ERC2: variants seen among roughly 807,000 people sequenced by gnomAD.
ERC2 encodes the protein ERC protein 2.
Under a neutral mutation model 114.8 loss-of-function variants are expected in ERC2, and 42 were observed. The ratio of observed to expected loss-of-function variants is 0.37; its 90% confidence interval spans 0.29 to 0.47. ERC2 has a LOEUF of 0.47. Ranked by LOEUF, ERC2 falls within the 20% of genes least tolerant of loss-of-function variation. ERC2 has a pLI of 0.99. For synonymous variants in ERC2, 454 were observed against 425.5 expected, an observed-to-expected ratio of 1.07 and a Z score of -0.82; for missense variants, 939 against 1,150.7, an observed-to-expected ratio of 0.82 and a Z score of 2.66.
chr3:55,563,036 G>A (rs922240519), intron 17 of ERC2, among the ~76,000 whole-genome samples: 4 of 152,086 alleles, frequency 2.6e-5, no homozygotes, highest in African/African-American at 9.7e-5. Context: ...CATCAACCTT[G>A]CACAGAAGGT....
At chr3:56,428,986 A>G (rs1009100775) in intron 2 of ERC2, among the ~76,000 whole-genome samples, 1 of 152,216 alleles carries the variant, frequency 6.6e-6, no homozygotes, top group Non-Finnish European at 1.5e-5. Context: ...ATGTCTAAAA[A>G]TTGCTTTATG....
intron 14 of ERC2, among the ~76,000 whole-genome samples, chr3:55,737,652 C>A (rs968618032): frequency 8.5e-5 from 13 of 152,170 alleles, no homozygotes; most frequent in African/African-American, 2.9e-4. Context: ...ACAACGGCAT[C>A]TTTACAGACA....
intron 17 of ERC2, among the ~76,000 whole-genome samples, chr3:55,577,780 C>CT (rs1426808635): frequency 6.6e-6 from 1 of 152,128 alleles, no homozygotes; most frequent in African/African-American, 2.4e-5. Flanking sequence ...TCCTAGAGGG[C>CT]TTCATGTAAC....
At chr3:56,020,168 T>A (rs1177447345) in intron 7 of ERC2, among the ~76,000 whole-genome samples, 1 of 152,158 alleles carries the variant, frequency 6.6e-6, no homozygotes, top group East Asian at 1.9e-4. Flanking sequence ...GCAAAGACAA[T>A]GGCTCTGCTG....
intron 12 of ERC2, among the ~76,000 whole-genome samples, chr3:55,956,444 A>AC (rs759751356): frequency 6.6e-6 from 1 of 151,042 alleles, no homozygotes; most frequent in Non-Finnish European, 1.5e-5. Context: ...AGATTATTTC[A>AC]TTTTTTTTTT....
chr3:55,797,048 T>C (rs1575625769), intron 14 of ERC2, among the ~76,000 whole-genome samples: 2 of 152,138 alleles, frequency 1.3e-5, no homozygotes, highest in South Asian at 2.1e-4. Flanking sequence ...AAAATTAAGA[T>C]GAACAAACTT....
intron 17 of ERC2, among the ~76,000 whole-genome samples, chr3:55,623,107 G>T (rs2059386945): frequency 6.6e-6 from 1 of 152,170 alleles, no homozygotes; most frequent in Non-Finnish European, 1.5e-5. Context: ...TTTCTGACCT[G>T]AGGATGGTAT....
intron 7 of ERC2, among the ~76,000 whole-genome samples, chr3:56,031,643 C>A (rs1471865222): frequency 6.6e-6 from 1 of 152,118 alleles, no homozygotes; most frequent in Non-Finnish European, 1.5e-5. Flanking sequence ...GCATGAGTAA[C>A]CAACTGTAAA....
rs565613834 is a variant in ERC2, at chr3:55,858,580, C to G, written c.2564+29809G>C. Among the ~76,000 whole-genome samples the G allele has an allele frequency of 3.0e-4, 46 of 152,300 alleles. 2 individuals are homozygous for G. In the South Asian group the frequency reaches 9.5e-3, roughly 32 times the overall value. On this transcript the variant is annotated intron_variant, in intron 14 of 17. Transcript: ENST00000288221. ...CCTCTGAGAAGCATCCAAGTGCAAG[C>G]AGTAGGTGTGTCCTATCTTAAAGTG...
intron 8 of ERC2, among the ~76,000 whole-genome samples, chr3:56,013,806 G>C (rs2073122109): frequency 6.6e-6 from 1 of 152,108 alleles, no homozygotes; most frequent in Non-Finnish European, 1.5e-5. Flanking sequence ...AGGTTCCTGG[G>C]CTCCACAGCA....
At chr3:55,993,998 C>T (rs2071286554) in intron 10 of ERC2, among the ~76,000 whole-genome samples, 2 of 152,216 alleles carry the variant, frequency 1.3e-5, no homozygotes, top group African/African-American at 2.4e-5. Flanking sequence ...CATATACCTG[C>T]TTCTATTTGT....
chr3:55,534,043 A>C (rs949223719), intron 17 of ERC2, among the ~76,000 whole-genome samples: 1 of 152,100 alleles, frequency 6.6e-6, no homozygotes, highest in Non-Finnish European at 1.5e-5. Context: ...TCCTCTCCGA[A>C]AGCCCAGCTT....
At chr3:56,141,238 G>A (rs184083171) in intron 5 of ERC2, among the ~76,000 whole-genome samples, 1 of 152,240 alleles carries the variant, frequency 6.6e-6, no homozygotes, top group East Asian at 1.9e-4. Flanking sequence ...GTACACAAAT[G>A]TCGCTCCTCA....
rs200176349 is a variant in ERC2, at chr3:56,149,038, C to T, written c.1244G>A (p.Arg415His). Reference sequence around the variant, plus strand: ...CTCAATTTGTTTGATCTCTTCTTCGCGGTCCTCAGTGTTCAGCACACCATT... The same window carrying T: ...CTCAATTTGTTTGATCTCTTCTTCGTGGTCCTCAGTGTTCAGCACACCATT... ...KANGVLNTED[R>H]EEEIKQIEVY... The change falls in exon 5 of 18, where the codon CGC (arginine) becomes CAC (histidine). Residue 415 changes from arginine to histidine, a missense_variant. Arg to His is a conservative substitution (Grantham distance 29). This residue lies in a region of ERC2 where 148 missense variants were observed against 159.1 expected (regional missense o/e 0.93). Coordinates refer to ENST00000288221, the MANE Select transcript of ERC2 (RefSeq NM_015576.3). The T allele has an allele frequency of 1.1e-5, 18 of 1,613,358 alleles. No individual in the cohort carries two copies. Among genetic ancestry groups the T allele is most frequent in the African/African-American group, 2.7e-5 (2 of 75,016 alleles).
At chr3:55,759,200 C>G (rs28574612) in intron 14 of ERC2, among the ~76,000 whole-genome samples, 2 of 152,108 alleles carry the variant, frequency 1.3e-5, no homozygotes, top group African/African-American at 4.8e-5. Context: ...AAATGGTATT[C>G]TAAAGGAAAC....
chr3:56,347,829 C>T (rs1344251065), intron 2 of ERC2, among the ~76,000 whole-genome samples: 1 of 152,170 alleles, frequency 6.6e-6, no homozygotes, highest in Non-Finnish European at 1.5e-5. Flanking sequence ...GCAGTTGCTA[C>T]TTTCCATGAT....
chr3:56,072,734 G>A (rs1360833597), intron 7 of ERC2, among the ~76,000 whole-genome samples: 1 of 152,138 alleles, frequency 6.6e-6, no homozygotes, highest in Non-Finnish European at 1.5e-5. Flanking sequence ...AGGAAAAAAA[G>A]TCATATTAAA....
At chr3:55,864,186 T>C (rs865966055) in intron 14 of ERC2, among the ~76,000 whole-genome samples, 16 of 139,618 alleles carry the variant, frequency 1.1e-4, no homozygotes, top group African/African-American at 2.8e-4. Context: ...TATATACACA[T>C]ATATATATAC....
intron 14 of ERC2, among the ~76,000 whole-genome samples, chr3:55,784,321 C>T (rs1003713651): frequency 1.3e-5 from 2 of 152,064 alleles, no homozygotes; most frequent in African/African-American, 4.8e-5. Context: ...TTAATATTTA[C>T]AGAAATGCCA....
Sources: allele counts gnomAD v4.1 joint callset (sites outside exome capture counted in the v4.1 genomes callset), GRCh38; gene constraint gnomAD v4.1.1; regional missense constraint gnomAD v4.1.1; transcripts MANE v1.5; gene names NCBI Gene and HGNC (gene_info 2026-07-23, HGNC 2026-07-21).